Variants in NOVA1 observed in about 807,000 individuals in gnomAD.
NOVA1 encodes NOVA alternative splicing regulator 1, also known as RNA-binding protein Nova-1.
NOVA1 carries 7 observed loss-of-function variants against 38.0 expected under a neutral mutation model. That is an observed-to-expected ratio of 0.18 (90% confidence interval 0.10 to 0.35). The LOEUF (loss-of-function observed/expected upper bound fraction) is 0.35. Among genes scored for constraint, NOVA1 ranks in the 10% least tolerant of loss-of-function variants. The pLI, the probability that NOVA1 is intolerant of heterozygous loss-of-function variation, is 1.00. For missense variants in NOVA1, 460 were observed against 616.0 expected, an observed-to-expected ratio of 0.75 and a Z score of 2.68; for synonymous variants, 270 against 232.5, an observed-to-expected ratio of 1.16 and a Z score of -1.47.
At chr14:26,519,594 A>G (rs1036443968) in intron 2 of NOVA1, 3 of 152,182 alleles carry the variant, frequency 2.0e-5, no homozygotes, top group African/African-American at 7.2e-5. Flanking sequence ...AAAATAATTG[A>G]AAGAGAAACA....
intron 2 of NOVA1, among the ~76,000 whole-genome samples, chr14:26,545,606 C>T (rs1890741154): frequency 1.3e-5 from 2 of 152,056 alleles, no homozygotes; most frequent in South Asian, 2.1e-4. Flanking sequence ...CATTTTCATA[C>T]ACTGCACATC....
intron 2 of NOVA1, among the ~76,000 whole-genome samples, chr14:26,591,386 A>T (rs1021165337): frequency 1.3e-5 from 2 of 151,682 alleles, no homozygotes; most frequent in African/African-American, 4.8e-5. Flanking sequence ...AATGATAACT[A>T]TCCTATTAAA....
chr14:26,458,785 T>C (rs1484004005), intron 4 of NOVA1, among the ~76,000 whole-genome samples: 1 of 151,972 alleles, frequency 6.6e-6, no homozygotes, highest in African/African-American at 2.4e-5. Flanking sequence ...GCAAAAAACC[T>C]GTACACATAC....
chr14:26,487,297 T>A (rs567026096), intron 2 of NOVA1, among the ~76,000 whole-genome samples: 3 of 152,316 alleles, frequency 2.0e-5, no homozygotes, highest in South Asian at 4.1e-4. Context: ...CCTATACGCA[T>A]ACGGAATAAC....
intron 2 of NOVA1, among the ~76,000 whole-genome samples, chr14:26,572,587 T>C (rs112806727): frequency 1.6e-4 from 25 of 152,246 alleles, no homozygotes; most frequent in African/African-American, 6.0e-4. Context: ...AGAAAAGATT[T>C]GTAATTACAA....
chr14:26,509,439 AAG>A (rs1594431207), intron 2 of NOVA1, among the ~76,000 whole-genome samples: 2 of 152,200 alleles, frequency 1.3e-5, no homozygotes, highest in East Asian at 3.9e-4. Flanking sequence ...GTTAGCAATT[AAG>A]TATGAGAAGC....
intron 2 of NOVA1, among the ~76,000 whole-genome samples, chr14:26,552,859 C>T (rs1891244655): frequency 6.6e-6 from 1 of 152,102 alleles, no homozygotes; most frequent in South Asian, 2.1e-4. Context: ...AGTGACTCTA[C>T]TCTCTGGGGT....
chr14:26,504,978 G>A (rs549522753), intron 2 of NOVA1, among the ~76,000 whole-genome samples: 2 of 151,692 alleles, frequency 1.3e-5, no homozygotes, highest in Non-Finnish European at 2.9e-5. Flanking sequence ...TTTGATCTCA[G>A]GTGGTGGCAG....
chr14:26,519,236 A>AC (rs1888697471), intron 2 of NOVA1: 1 of 152,172 alleles, frequency 6.6e-6, no homozygotes, highest in African/African-American at 2.4e-5. Flanking sequence ...ATAATGTATT[A>AC]AGTTACACTC....
At chr14:26,513,344 G>C (rs1246028860) in intron 2 of NOVA1, among the ~76,000 whole-genome samples, 2 of 151,818 alleles carry the variant, frequency 1.3e-5, no homozygotes, top group Admixed American at 1.3e-4. Context: ...AGAAATAAGA[G>C]TATGAAAAAG....
intron 2 of NOVA1, among the ~76,000 whole-genome samples, chr14:26,514,166 CA>C (rs1431943462): frequency 1.3e-5 from 2 of 151,538 alleles, no homozygotes; most frequent in Non-Finnish European, 3.0e-5. Flanking sequence ...CAAATTATAT[CA>C]AAATCATATA....
intron 2 of NOVA1, among the ~76,000 whole-genome samples, chr14:26,485,203 T>C (rs2138322799): frequency 6.6e-6 from 1 of 152,214 alleles, no homozygotes; most frequent in African/African-American, 2.4e-5. Flanking sequence ...CAAGTATTTT[T>C]TTTTTAAATA....
intron 2 of NOVA1, among the ~76,000 whole-genome samples, chr14:26,548,735 A>C (rs930158415): frequency 5.3e-5 from 8 of 152,086 alleles, no homozygotes; most frequent in Non-Finnish European, 1.0e-4. Context: ...AATGGGAGAG[A>C]CTAAAACTAC....
intron 2 of NOVA1, among the ~76,000 whole-genome samples, chr14:26,538,000 A>G (rs548767119): frequency 3.3e-5 from 5 of 152,158 alleles, no homozygotes; most frequent in Non-Finnish European, 7.4e-5. Flanking sequence ...GCAAAAGCTA[A>G]GAGGCAATAC....
intron 2 of NOVA1, among the ~76,000 whole-genome samples, chr14:26,555,911 C>T (rs1385175124): frequency 6.6e-6 from 1 of 152,010 alleles, no homozygotes; most frequent in Non-Finnish European, 1.5e-5. Flanking sequence ...GTTGTTCTAA[C>T]ACCAAAAAAA....
chr14:26,571,036 A>C (rs1210377206), intron 2 of NOVA1, among the ~76,000 whole-genome samples: 1 of 151,984 alleles, frequency 6.6e-6, no homozygotes, highest in Non-Finnish European at 1.5e-5. Context: ...GAATCCACAG[A>C]CTTCACTTAC....
intron 2 of NOVA1, among the ~76,000 whole-genome samples, chr14:26,530,107 G>C (rs1261837830): frequency 6.6e-6 from 1 of 152,168 alleles, no homozygotes; most frequent in Non-Finnish European, 1.5e-5. Flanking sequence ...TTTTAGCAGA[G>C]ACGGGGTTTC....
Position 26,448,450 on chromosome 14 carries a change from A to C in NOVA1, c.1033T>G (p.Leu345Val). 6.2e-7 allele frequency: 1 copy of C among 1,612,888 alleles called. No homozygotes were observed. The highest frequency in any genetic ancestry group is 8.5e-7 in the Non-Finnish European group (1 of 1,179,806). The change falls in exon 5 of 5, where the codon TTG (leucine) becomes GTG (valine). Residue 345 changes from leucine (L) to valine (V), a missense_variant. Coordinates refer to ENST00000539517, the MANE Select transcript of NOVA1 (RefSeq NM_002515.3). The surrounding 1 kb of genome is among the most constrained non-coding windows in gnomAD (Gnocchi z 5.3). The part of the protein sequence containing the change: ...GLSQAAATGA[L>V]AAAAASANPA... ...TTGGCACTGGCAGCTGCTGCAGCCA[A>C]AGCCCCTGTTGCTGCTGCTTGACTG...
At chr14:26,594,695 T>C (rs1594599986) in intron 2 of NOVA1, among the ~76,000 whole-genome samples, 1 of 151,998 alleles carries the variant, frequency 6.6e-6, no homozygotes, top group South Asian at 2.1e-4. Context: ...TATTTAACAC[T>C]TAAAAAGGCA....
Sources: allele counts gnomAD v4.1 joint callset (sites outside exome capture counted in the v4.1 genomes callset), GRCh38; gene constraint gnomAD v4.1.1; non-coding constraint Gnocchi (gnomAD v3.1); transcripts MANE v1.5; gene names NCBI Gene and HGNC (gene_info 2026-07-23, HGNC 2026-07-21).